The following CEP170B variants were observed in gnomAD, a reference collection of about 807,000 sequenced individuals.
CEP170B encodes the protein centrosomal protein 170B, also known as centrosomal protein of 170 kDa protein B.
Under a neutral mutation model 120.6 loss-of-function variants are expected in CEP170B, and 55 were observed. The ratio of observed to expected loss-of-function variants is 0.46; its 90% CI spans 0.37 to 0.57. The LOEUF is 0.57. Among genes scored for constraint, CEP170B ranks in the 20% least tolerant of loss-of-function variants. The pLI is 0.00. For synonymous variants in CEP170B, 1,033 were observed against 954.5 expected, an observed-to-expected ratio of 1.08 and a Z score of -1.52; for missense variants, 2,212 against 2,253.3, an observed-to-expected ratio of 0.98 and a Z score of 0.37.
intron 2 of CEP170B, among the ~76,000 whole-genome samples, chr14:104,871,152 C>G (rs2140626012): frequency 6.6e-6 from 1 of 152,304 alleles, no homozygotes; most frequent in South Asian, 2.1e-4. Context: ...CTCAGTGGCC[C>G]TTTCCGAACG....
At position 104,885,408 on chromosome 14, in the gene CEP170B, T is replaced by C. The variant is rs1896421191; in HGVS notation, c.1810T>C (p.Ser604Pro). 1 of 1,569,790 alleles carries C rather than the reference T, an allele frequency of 6.4e-7. No homozygotes were observed. The highest frequency in any genetic ancestry group is 8.6e-7 in the Non-Finnish European group (1 of 1,157,960). Residue 604 changes from serine to proline, a missense_variant, in exon 10 of 19, where the codon TCT (serine) becomes CCT (proline). Coordinates refer to ENST00000414716, the MANE Select transcript of CEP170B (RefSeq NM_001112726.3). Reference sequence around the variant, plus strand: ...GGAGTCCCCTGAACTCTCCAGGGCATCTTCGGCCACCTTTCGCCCAGTCAT... The same window carrying C: ...GGAGTCCCCTGAACTCTCCAGGGCACCTTCGGCCACCTTTCGCCCAGTCAT... The part of the protein sequence containing the change: ...VLESPELSRA[S>P]SATFRPVIRG...
In CEP170B at chr14:104,891,228, A is replaced by G. The variant is rs561600120; in HGVS notation, c.3878+1470A>G. Among the ~76,000 whole-genome samples the G allele has an allele frequency of 6.6e-6, 1 of 152,138 alleles. No homozygotes were observed. Among genetic ancestry groups the G allele is most frequent in the Admixed American group, 6.5e-5 (1 of 15,288 alleles). ...TCAGTAACAGGGCCCTCTCCAGGCC[A>G]GGCGCTGGGGAGGATGGGGTAGGGA... On this transcript the variant is annotated intron_variant, in intron 13 of 18. Transcript: ENST00000414716. The surrounding 1 kb of genome is among the most constrained non-coding windows in gnomAD (Gnocchi z 4.3).
chr14:104,874,100 TCTCCAGCAGCCATCCTAGAGTTGG>T (rs1420011469), intron 2 of CEP170B, among the ~76,000 whole-genome samples: 1 of 152,034 alleles, frequency 6.6e-6, no homozygotes, highest in Non-Finnish European at 1.5e-5. Flanking sequence ...GCCTGAGGTG[TCTCCAGCAGCCATCCTAGAGTTGG>T]GGAGGGGGTC....
rs559045965 is a variant in CEP170B at position 104,878,968 on chromosome 14, G to A, written c.333+467G>A. ...TCACCCTGCAGGAGAGTGCAGCGGG[G>A]CTGAGGCGGGGGCCAGCAGCCTCCC... On this transcript the variant is annotated intron_variant, in intron 5 of 18. Transcript: ENST00000414716. Among the ~76,000 whole-genome samples the A allele has an allele frequency of 2.0e-5, 3 of 152,328 alleles. No individual in the cohort carries two copies. The East Asian group carries it at 5.8e-4, about 29-fold the overall frequency.
In CEP170B at chr14:104,895,015, G is replaced by A. The variant is rs1017854246; in HGVS notation, c.*57G>A. 75 of 1,452,760 alleles carry A rather than the reference G, an allele frequency of 5.2e-5. No individual in the cohort carries two copies. Among genetic ancestry groups the A allele is most frequent in the South Asian group, 4.8e-4 (34 of 70,248 alleles). The allele number at this position is 1,452,760 out of a possible 1,614,324, so 90.0% of individuals were successfully genotyped here. A position where few individuals can be genotyped will look rare whatever the true frequency, so the allele number is the denominator to read the frequency against. ...GCGTGTGCGTCTCTGCCTTCCGTCC[G>A]CCGCACACCCGCCTGCCTGGCCGCA... On this transcript the variant is annotated 3_prime_UTR_variant, in exon 19 of 19. Transcript: ENST00000414716.
chr14:104,871,881 C>T (rs1220079404), intron 2 of CEP170B, among the ~76,000 whole-genome samples: 2 of 152,196 alleles, frequency 1.3e-5, no homozygotes, highest in Non-Finnish European at 2.9e-5. Flanking sequence ...AGCAGGTAGA[C>T]GGGTAGGGGA....
chr14:104,882,595 C>A, intron 6 of CEP170B, 133 bp from the exon 7 acceptor site: 1 of 635,848 alleles, frequency 1.6e-6, no homozygotes, highest in Non-Finnish European at 2.7e-6. Flanking sequence ...GGGCCCTGGG[C>A]TGCCACAGGG....
chr14:104,872,762 G>A (rs954980481), intron 2 of CEP170B, among the ~76,000 whole-genome samples: 10 of 152,200 alleles, frequency 6.6e-5, no homozygotes, highest in African/African-American at 2.4e-4. Flanking sequence ...GCAGGAGGGT[G>A]TGCCCAGAGC....
In CEP170B at chr14:104,896,416, G is replaced by C; in HGVS notation, c.*1458G>C. The C allele has an allele frequency of 2.7e-6, 1 of 367,838 alleles. No homozygotes were observed. The highest frequency in any genetic ancestry group is 5.4e-6 in the Non-Finnish European group (1 of 183,622). The allele number at this position is 367,838 out of a possible 1,614,324, so 22.8% of individuals were successfully genotyped here. ...GGAGGAGGTGCTAGCCCGGTCCACCGGGCTGCTGCCCACCCCTGCATGCCC... is the reference window on the plus strand; with the variant it reads ...GGAGGAGGTGCTAGCCCGGTCCACCCGGCTGCTGCCCACCCCTGCATGCCC... On this transcript the variant is annotated 3_prime_UTR_variant, in exon 19 of 19. Coordinates refer to ENST00000414716, the MANE Select transcript of CEP170B (RefSeq NM_001112726.3).
chr14:104,886,253 C>A, intron 11 of CEP170B, 22 bp from the exon 12 acceptor site: 1 of 1,495,934 alleles, frequency 6.7e-7, no homozygotes, highest in Non-Finnish European at 8.9e-7. Context: ...GCCCTCTAAC[C>A]GGCTGCCTTT....
chr14:104,886,451 G>A lies in CEP170B; in HGVS notation c.2212G>A (p.Gly738Ser), dbSNP rs114493530. Residue 738 changes from glycine (G) to serine (S), a missense_variant, in exon 12 of 19, where the codon GGC (glycine) becomes AGC (serine). Gly to Ser is a moderately conservative substitution (Grantham distance 56). This residue lies in a region of CEP170B where 2,166 missense variants were observed against 2,166.7 expected (regional missense o/e 1.00). Transcript: ENST00000414716. Reference sequence around the variant, plus strand: ...CAGTGAGCAGCCCAGCCGCCTCTTCGGCCAGGAGGAGTTGGATCCTGACAG... The same window carrying A: ...CAGTGAGCAGCCCAGCCGCCTCTTCAGCCAGGAGGAGTTGGATCCTGACAG... The part of the protein sequence containing the change: ...LDSEQPSRLF[G>S]QEELDPDSLS... 458 of 1,569,270 alleles carry A rather than the reference G, an allele frequency of 2.9e-4. 3 individuals carry two copies. In the African/African-American group the frequency reaches 4.8e-3, roughly 16 times the overall value.
chr14:104,874,932 G>C (rs985797715), intron 2 of CEP170B, among the ~76,000 whole-genome samples: 2 of 152,224 alleles, frequency 1.3e-5, no homozygotes, highest in Non-Finnish European at 2.9e-5. Flanking sequence ...CCTCAGTCAA[G>C]CTGGGCCATC....
intron 6 of CEP170B, among the ~76,000 whole-genome samples, chr14:104,880,974 G>A (rs1011883399): frequency 6.6e-6 from 1 of 152,212 alleles, no homozygotes; most frequent in Non-Finnish European, 1.5e-5. Context: ...CACCCCTTGA[G>A]CCCACAGTTC....
intron 13 of CEP170B, 145 bp downstream of exon 13, chr14:104,889,903 CAAATGGATGGATGGAT>C (rs1258507450): frequency 1.7e-5 from 10 of 581,658 alleles, no homozygotes; most frequent in Non-Finnish European, 2.5e-5. Flanking sequence ...GATGGATGGA[CAAATGGATGGATGGAT>C]GGATGGATGG....
At chr14:104,873,194 C>T (rs1267592731) in intron 2 of CEP170B, among the ~76,000 whole-genome samples, 1 of 151,328 alleles carries the variant, frequency 6.6e-6, no homozygotes, top group African/African-American at 2.4e-5. Context: ...GGGGTGGAGG[C>T]TCAGTCCTGG....
At chr14:104,881,987 GC>G (rs1035275274) in intron 6 of CEP170B, among the ~76,000 whole-genome samples, 1 of 152,106 alleles carries the variant, frequency 6.6e-6, no homozygotes, top group African/African-American at 2.4e-5. Flanking sequence ...TGACGCAGAG[GC>G]CCCCTGGGCT....
intron 2 of CEP170B, among the ~76,000 whole-genome samples, chr14:104,872,309 G>GC (rs1895563733): frequency 4.9e-5 from 2 of 41,152 alleles, no homozygotes; most frequent in South Asian, 7.9e-4. Context: ...CCATGGGTGT[G>GC]CGTGTGTGCC....
In CEP170B at chr14:104,887,632, G is replaced by T. The variant is rs950897622; in HGVS notation, c.3393G>T (p.Leu1131=). Residue 1131 remains leucine, a synonymous_variant, in exon 12 of 19, where the codon CTG becomes CTT. Coordinates refer to ENST00000414716, the MANE Select transcript of CEP170B (RefSeq NM_001112726.3). The part of the protein sequence containing the change: ...TRASRLRRAR[L]GDASDTEAAD... ...CCTCCCGGCTGAGGCGGGCCCGGCT[G>T]GGGGACGCTTCAGACACTGAGGCTG... 1.9e-6 allele frequency: 3 copies of T among 1,560,426 alleles called. No individual in the cohort carries two copies. Among genetic ancestry groups the T allele is most frequent in the Admixed American group, 3.8e-5 (2 of 52,790 alleles).
intron 17 of CEP170B, 48 bp downstream of exon 17, chr14:104,894,426 C>T: frequency 6.2e-7 from 1 of 1,601,224 alleles, no homozygotes. Context: ...AGCCAGCCTG[C>T]CTTTGCCTGG....
Sources: gnomAD v4.1 joint callset for allele counts (sites outside exome capture counted in the v4.1 genomes callset) on GRCh38, gnomAD v4.1.1 for gene constraint, gnomAD v4.1.1 regional missense constraint, Gnocchi (gnomAD v3.1) non-coding constraint, MANE v1.5 for transcripts, NCBI Gene and HGNC (gene_info 2026-07-23, HGNC 2026-07-21) for gene names.